The following SOBP variants were observed in gnomAD, a reference collection of about 807,000 sequenced individuals.
The protein encoded by SOBP is sine oculis binding protein homolog, also known as sine oculis-binding protein homolog.
A neutral mutation model predicts 53.6 loss-of-function variants in SOBP; 4 were observed. The observed-to-expected ratio is 0.07, with a 90% CI of 0.04 to 0.17. SOBP has a LOEUF of 0.17. Among genes scored for constraint, SOBP ranks in the 10% least tolerant of loss-of-function variants. SOBP has a pLI of 1.00. For synonymous variants in SOBP, 584 were observed against 522.6 expected (o/e 1.12, Z -1.60); for missense variants, 1,088 against 1,204.7 (o/e 0.90, Z 1.43).
intron 6 of SOBP, among the ~76,000 whole-genome samples, chr6:107,641,084 T>C (rs1301504342): frequency 6.6e-6 from 1 of 152,260 alleles, no homozygotes; most frequent in Non-Finnish European, 1.5e-5. Flanking sequence ...ATGCTCTATA[T>C]CTCTGAAGGA....
At chr6:107,653,365 G>T (rs1174121016) in intron 6 of SOBP, among the ~76,000 whole-genome samples, 2 of 152,234 alleles carry the variant, frequency 1.3e-5, no homozygotes, top group African/African-American at 4.8e-5. Context: ...GAGCAATCCA[G>T]TCCTCAGGGA....
In SOBP at chr6:107,490,339, C is replaced by T. The variant is rs944468312; in HGVS notation, c.-278C>T. The stretch of plus-strand genomic sequence containing the variant: ...GCGGCGGCGTTGGCTGCGGCGGCGG[C>T]GGCGGCGGCAGCAGGAGCCGGAGCG... On this transcript the variant is annotated 5_prime_UTR_variant, in exon 1 of 7. Coordinates refer to ENST00000317357, the MANE Select transcript of SOBP (RefSeq NM_018013.4). 1.3e-5 allele frequency: 2 copies of T among 156,588 alleles called. No individual in the cohort carries two copies. The highest frequency in any genetic ancestry group is 2.4e-5 in the African/African-American group (1 of 41,056). The allele number at this position is 156,588 out of a possible 1,614,324, so 9.7% of individuals were successfully genotyped here. A position where few individuals can be genotyped will look rare whatever the true frequency, so the allele number is the denominator to read the frequency against.
chr6:107,506,932 G>C (rs1185559348), intron 3 of SOBP, among the ~76,000 whole-genome samples: 3 of 151,920 alleles, frequency 2.0e-5, no homozygotes, highest in Non-Finnish European at 4.4e-5. Context: ...TGGCGGGCTA[G>C]TAATTAGCTA....
intron 3 of SOBP, among the ~76,000 whole-genome samples, 163 bp from the exon 4 acceptor site, chr6:107,533,296 A>G (rs956295015): frequency 6.9e-6 from 1 of 144,764 alleles, no homozygotes. Flanking sequence ...AAAAAAAAAA[A>G]GAGAGAGAGA....
intron 4 of SOBP, among the ~76,000 whole-genome samples, chr6:107,559,785 A>G (rs188981793): frequency 1.7e-4 from 26 of 152,358 alleles, no homozygotes; most frequent in Admixed American, 4.6e-4. Flanking sequence ...TGGGTGACAT[A>G]TAGATCTGAT....
At chr6:107,597,408 T>C (rs1266925719) in intron 5 of SOBP, among the ~76,000 whole-genome samples, 1 of 152,160 alleles carries the variant, frequency 6.6e-6, no homozygotes, top group Non-Finnish European at 1.5e-5. Flanking sequence ...AGTATATGAA[T>C]TTTGAAAATA....
At chr6:107,537,553 G>A (rs1034991672) in intron 4 of SOBP, among the ~76,000 whole-genome samples, 1 of 152,220 alleles carries the variant, frequency 6.6e-6, no homozygotes, top group Non-Finnish European at 1.5e-5. Flanking sequence ...GGGCGCCATG[G>A]CTCATGCCTG....
intron 3 of SOBP, among the ~76,000 whole-genome samples, chr6:107,522,158 C>T (rs1389664581): frequency 6.6e-6 from 1 of 152,040 alleles, no homozygotes; most frequent in Non-Finnish European, 1.5e-5. Flanking sequence ...GGAGGGAGGG[C>T]CTCAAGGAAG....
intron 6 of SOBP, among the ~76,000 whole-genome samples, chr6:107,657,392 G>A (rs542867663): frequency 1.3e-5 from 2 of 152,290 alleles, no homozygotes; most frequent in South Asian, 4.1e-4. Context: ...TTCCAGTCCA[G>A]TGCTACTGTT....
intron 4 of SOBP, among the ~76,000 whole-genome samples, chr6:107,561,620 CT>C (rs1039928961): frequency 1.3e-5 from 2 of 152,170 alleles, no homozygotes; most frequent in African/African-American, 2.4e-5. Context: ...GGTGGGAGCT[CT>C]GATATAATAA....
intron 5 of SOBP, among the ~76,000 whole-genome samples, chr6:107,597,727 A>T (rs1372526655): frequency 6.6e-6 from 1 of 152,212 alleles, no homozygotes; most frequent in African/African-American, 2.4e-5. Context: ...TCTGACTGTC[A>T]TCAAATCAGC....
chr6:107,647,091 A>G (rs1161382708), intron 6 of SOBP, among the ~76,000 whole-genome samples: 3 of 152,216 alleles, frequency 2.0e-5, no homozygotes, highest in Non-Finnish European at 4.4e-5. Flanking sequence ...TGGCTGGGTC[A>G]CTTACCAGCT....
At position 107,543,050 on chromosome 6, in the gene SOBP, T is replaced by A. The variant is rs933275894; in HGVS notation, c.573+9440T>A. On this transcript the variant is annotated intron_variant, in intron 4 of 6. Transcript: ENST00000317357. ...TCTTTGGGTAAAGGGATTATTTTGA[T>A]GTCAGCTTTATTCTGAGAGTAGGTA... 6.6e-5 allele frequency among the ~76,000 whole-genome samples: 10 copies of A among 152,212 alleles called. 1 individual carries two copies. The highest frequency in any genetic ancestry group is 6.5e-4 in the Admixed American group (10 of 15,272).
chr6:107,595,002 C>T (rs1169122739), intron 5 of SOBP, among the ~76,000 whole-genome samples: 1 of 151,986 alleles, frequency 6.6e-6, no homozygotes, highest in Non-Finnish European at 1.5e-5. Context: ...CATTCCAGGG[C>T]CAGAGAAGGA....
intron 4 of SOBP, among the ~76,000 whole-genome samples, chr6:107,560,173 C>G (rs1031072871): frequency 6.6e-6 from 1 of 152,184 alleles, no homozygotes; most frequent in African/African-American, 2.4e-5. Context: ...CCCTACCAAT[C>G]TGTTTTTAAA....
At position 107,634,755 on chromosome 6, in the gene SOBP, C is replaced by A; in HGVS notation, c.1911C>A (p.Gly637=). 7.5e-7 allele frequency: 1 copy of A among 1,334,038 alleles called. No homozygotes were observed. The allele number at this position is 1,334,038 out of a possible 1,614,324, so 82.6% of individuals were successfully genotyped here. ...AGSPPGPPGA[G]GQLGFPGVLQ... Reference sequence around the variant, plus strand: ...GCCCCCCGGGCCCCCCGGGCGCGGGCGGCCAGCTCGGCTTCCCAGGCGTGC... The same window carrying A: ...GCCCCCCGGGCCCCCCGGGCGCGGGAGGCCAGCTCGGCTTCCCAGGCGTGC... Residue 637 remains glycine, a synonymous_variant, in exon 6 of 7, where the codon GGC becomes GGA. Transcript: ENST00000317357. The surrounding 1 kb of genome is among the most constrained non-coding windows in gnomAD (Gnocchi z 4.5).
At chr6:107,612,454 G>A (rs1461502328) in intron 5 of SOBP, among the ~76,000 whole-genome samples, 2 of 152,198 alleles carry the variant, frequency 1.3e-5, no homozygotes, top group Admixed American at 6.5e-5. Context: ...TAGACTTAGA[G>A]CAGCAGTTTC....
At chr6:107,520,497 ATACT>A (rs1562586687) in intron 3 of SOBP, among the ~76,000 whole-genome samples, 1 of 152,218 alleles carries the variant, frequency 6.6e-6, no homozygotes, top group African/African-American at 2.4e-5. Context: ...TCTAGATCAC[ATACT>A]TCTGTGATTC....
chr6:107,622,197 AAGGT>A (rs1770210492), intron 5 of SOBP, among the ~76,000 whole-genome samples: 1 of 152,194 alleles, frequency 6.6e-6, no homozygotes, highest in Admixed American at 6.5e-5. Context: ...GCAGCTCTTG[AAGGT>A]AGACGGGGTG....
Sources: gnomAD v4.1 joint callset for allele counts (sites outside exome capture counted in the v4.1 genomes callset) on GRCh38, gnomAD v4.1.1 for gene constraint, Gnocchi (gnomAD v3.1) non-coding constraint, MANE v1.5 for transcripts, NCBI Gene and HGNC (gene_info 2026-07-23, HGNC 2026-07-21) for gene names.